Variants in MTFR1 observed in about 807,000 individuals in gnomAD.
MTFR1 encodes chondrocyte protein with a poly-proline region.
In MTFR1, 28 loss-of-function variants were observed where a neutral mutation model predicts 38.8. That is an observed-to-expected ratio of 0.72 (90% CI 0.53 to 0.99). MTFR1 has a LOEUF of 0.99. Ranked by LOEUF, MTFR1 falls within the 50% of genes least tolerant of loss-of-function variation. The pLI is 0.00. For missense variants in MTFR1, 358 were observed against 395.5 expected (o/e 0.91, Z 0.81); for synonymous variants, 145 against 137.0 (o/e 1.06, Z -0.41).
At chr8:65,644,639 G>T (rs537849595), upstream of MTFR1, 1 of 152,386 alleles carries the variant, frequency 6.6e-6, no homozygotes, top group East Asian at 1.9e-4. Flanking sequence ...AGCTTCTTGT[G>T]CCCGCCTCCG....
chr8:65,747,816 G>T, intron 3 of MTFR1: 2 of 1,584,062 alleles, frequency 1.3e-6, no homozygotes, highest in South Asian at 1.1e-5. Context: ...GAAATAAAAA[G>T]AATAAAAGGT....
chr8:65,681,161 C>T (rs564481222), intron 2 of MTFR1, among the ~76,000 whole-genome samples: 24 of 152,162 alleles, frequency 1.6e-4, no homozygotes, highest in African/African-American at 5.8e-4. Context: ...ATCCACCCGC[C>T]TCGGCCTCCC....
intron 1 of MTFR1, among the ~76,000 whole-genome samples, chr8:65,659,546 C>G (rs550869775): frequency 6.7e-6 from 1 of 150,072 alleles, no homozygotes; most frequent in Admixed American, 6.7e-5. Flanking sequence ...AAATATTTTT[C>G]TAAATATGGA....
intron 3 of MTFR1, among the ~76,000 whole-genome samples, chr8:65,693,104 TA>T (rs1805331041): frequency 6.6e-6 from 1 of 152,024 alleles, no homozygotes; most frequent in Non-Finnish European, 1.5e-5. Flanking sequence ...GATAGTTTTT[TA>T]AAAAATCAAC....
chr8:65,694,434 G>A (rs77279346), intron 4 of MTFR1, among the ~76,000 whole-genome samples: 6,316 of 152,060 alleles, frequency 0.042, 193 homozygotes, highest in Non-Finnish European at 0.063. Context: ...TAGTCTGTTC[G>A]TTTTCAAGAC....
chr8:65,767,465 T>G (rs533116303), intron 3 of MTFR1, among the ~76,000 whole-genome samples: 1 of 152,342 alleles, frequency 6.6e-6, no homozygotes, highest in Non-Finnish European at 1.5e-5. Context: ...CTTGTTACAG[T>G]CTTTTATTAA....
intron 3 of MTFR1, among the ~76,000 whole-genome samples, chr8:65,762,372 T>A (rs886144044): frequency 6.6e-6 from 1 of 152,102 alleles, no homozygotes; most frequent in Non-Finnish European, 1.5e-5. Context: ...TAGGGGAAAA[T>A]CAGCTAGGTG....
chr8:65,769,911 A>C (rs1200323847), intron 3 of MTFR1, among the ~76,000 whole-genome samples: 2 of 152,226 alleles, frequency 1.3e-5, no homozygotes, highest in Non-Finnish European at 2.9e-5. Context: ...AAACAAAAAC[A>C]AAACAGAAAA....
chr8:65,720,243 T>C (rs1806318346), intron 3 of MTFR1, among the ~76,000 whole-genome samples: 1 of 152,246 alleles, frequency 6.6e-6, no homozygotes, highest in Non-Finnish European at 1.5e-5. Flanking sequence ...CTAAGTAGTA[T>C]CTTAAACAAG....
chr8:65,655,941 TAAAA>T (rs796493246), intron 1 of MTFR1, among the ~76,000 whole-genome samples: 21 of 77,638 alleles, frequency 2.7e-4, no homozygotes, highest in South Asian at 3.8e-4. Flanking sequence ...GACTCTGTCT[TAAAA>T]AAAAAAATAT....
chr8:65,655,484 A>G (rs1809230245), intron 1 of MTFR1, among the ~76,000 whole-genome samples: 2 of 152,154 alleles, frequency 1.3e-5, no homozygotes, highest in Non-Finnish European at 2.9e-5. Context: ...TTAATTTTGC[A>G]TGAGCCATAT....
chr8:65,704,482 A>C (rs1203822904), intron 4 of MTFR1, among the ~76,000 whole-genome samples: 1 of 152,236 alleles, frequency 6.6e-6, no homozygotes, highest in Admixed American at 6.5e-5. Context: ...ATTGACTAAG[A>C]AAAATGATGG....
intron 2 of MTFR1, among the ~76,000 whole-genome samples, chr8:65,671,551 A>AG (rs1804569190): frequency 1.3e-5 from 2 of 151,790 alleles, no homozygotes; most frequent in Admixed American, 1.3e-4. Flanking sequence ...AAAAAAAAAA[A>AG]AAAAAAAAAG....
At chr8:65,769,028 A>G (rs1808939339) in intron 3 of MTFR1, among the ~76,000 whole-genome samples, 1 of 152,094 alleles carries the variant, frequency 6.6e-6, no homozygotes, top group South Asian at 2.1e-4. Flanking sequence ...TAGGCAGATC[A>G]CTTGAGGTCA....
At chr8:65,706,510 C>T (rs1805785623) in intron 5 of MTFR1, among the ~76,000 whole-genome samples, 1 of 152,174 alleles carries the variant, frequency 6.6e-6, no homozygotes, top group Non-Finnish European at 1.5e-5. Flanking sequence ...CTGCCTTGGC[C>T]TCCTAAAGTG....
At position 65,708,983 on chromosome 8, in the gene MTFR1, C is replaced by T; in HGVS notation, c.941C>T (p.Pro314Leu). 1 of 1,613,776 alleles carries T rather than the reference C, an allele frequency of 6.2e-7. No individual in the cohort carries two copies. Among genetic ancestry groups the T allele is most frequent in the Non-Finnish European group, 8.5e-7 (1 of 1,179,764 alleles). ...CTTTTTGTTTGTTTCTAGTTTGGGC[C>T]ACACATGTTGAAGCCAACAGGAAAA... Reference protein sequence around the residue: ...EATSERVLFGPHMLKPTGKMK... With the variant: ...EATSERVLFGLHMLKPTGKMK... The change falls in exon 8 of 8, where the codon CCA becomes CTA. Residue 314 changes from proline to leucine, a missense_variant. Physicochemically the swap from Pro to Leu is moderately conservative, Grantham distance 98 (BLOSUM62 -3). Coordinates refer to ENST00000262146, the MANE Select transcript of MTFR1 (RefSeq NM_014637.4).
At chr8:65,674,285 C>T (rs1453031094) in intron 2 of MTFR1, among the ~76,000 whole-genome samples, 2 of 151,694 alleles carry the variant, frequency 1.3e-5, no homozygotes, top group Non-Finnish European at 2.9e-5. Flanking sequence ...TGAAAACTAC[C>T]TTCATCCTTT....
chr8:65,747,565 ACT>A (rs1158543714), intron 3 of MTFR1: 7 of 733,708 alleles, frequency 9.5e-6, no homozygotes, highest in East Asian at 9.1e-5. Flanking sequence ...AGAGAAAAAG[ACT>A]CTATAAATCA....
intron 1 of MTFR1, among the ~76,000 whole-genome samples, chr8:65,668,462 A>G (rs1283503044): frequency 6.7e-6 from 1 of 149,634 alleles, no homozygotes; most frequent in African/African-American, 2.5e-5. Context: ...TGCTGGGATT[A>G]CAGACATGAG....
Sources: gnomAD v4.1 joint callset for allele counts (sites outside exome capture counted in the v4.1 genomes callset) on GRCh38, gnomAD v4.1.1 for gene constraint, MANE v1.5 for transcripts, NCBI Gene and HGNC (gene_info 2026-07-23, HGNC 2026-07-21) for gene names.